The following RUNX2 variants were observed in gnomAD, a reference collection of about 807,000 sequenced individuals.
RUNX2 encodes the protein RUNX family transcription factor 2.
A neutral mutation model predicts 51.7 loss-of-function variants in RUNX2; 10 were observed. That is an observed-to-expected ratio of 0.19 (90% CI 0.12 to 0.33). The LOEUF (loss-of-function observed/expected upper bound fraction) is 0.33. RUNX2 is among the 10% of genes least tolerant of loss of function. RUNX2 has a pLI of 1.00. For missense variants in RUNX2, 562 were observed against 691.3 expected (o/e 0.81, Z 2.10); for synonymous variants, 276 against 273.6 (o/e 1.01, Z -0.09).
intron 6 of RUNX2, among the ~76,000 whole-genome samples, chr6:45,494,774 T>G (rs983706315): frequency 1.3e-5 from 2 of 152,226 alleles, no homozygotes; most frequent in African/African-American, 2.4e-5. Flanking sequence ...ATAGGTTCAA[T>G]TTTTTAATCT....
At chr6:45,440,056 A>G (rs1449615109) in intron 5 of RUNX2, among the ~76,000 whole-genome samples, 1 of 152,180 alleles carries the variant, frequency 6.6e-6, no homozygotes, top group Non-Finnish European at 1.5e-5. Context: ...GGAAGCAGAT[A>G]CAGATCTGCA....
chr6:45,393,083 A>G (rs1029410231), intron 2 of RUNX2, among the ~76,000 whole-genome samples: 1 of 152,046 alleles, frequency 6.6e-6, no homozygotes, highest in African/African-American at 2.4e-5. Flanking sequence ...TACATTACCC[A>G]TTTGCTCTCA....
intron 2 of RUNX2, chr6:45,422,343 C>T (rs1417241852): frequency 6.1e-6 from 3 of 491,260 alleles, no homozygotes; most frequent in Non-Finnish European, 1.1e-5. Context: ...AAGATCTGCG[C>T]CTCCCGGGTC....
At chr6:45,524,332 T>G (rs2150433066) in intron 7 of RUNX2, among the ~76,000 whole-genome samples, 1 of 152,346 alleles carries the variant, frequency 6.6e-6, no homozygotes, top group African/African-American at 2.4e-5. Flanking sequence ...AGGATTTTTT[T>G]TTAAGTAGAA....
chr6:45,505,110 A>G (rs999549110), intron 6 of RUNX2, among the ~76,000 whole-genome samples: 2 of 152,204 alleles, frequency 1.3e-5, no homozygotes, highest in Non-Finnish European at 2.9e-5. Context: ...GTCTGCATCA[A>G]GTTCAGCACC....
chr6:45,380,401 C>G (rs1481939739), intron 2 of RUNX2, among the ~76,000 whole-genome samples: 1 of 152,144 alleles, frequency 6.6e-6, no homozygotes, highest in African/African-American at 2.4e-5. Flanking sequence ...CTTTAACGTT[C>G]CTCTGGCATG....
chr6:45,366,213 A>G (rs1342162313), intron 2 of RUNX2, among the ~76,000 whole-genome samples: 1 of 152,238 alleles, frequency 6.6e-6, no homozygotes, highest in East Asian at 1.9e-4. Flanking sequence ...TAAGATATTT[A>G]GAACATATGA....
intron 2 of RUNX2, among the ~76,000 whole-genome samples, chr6:45,371,391 T>A (rs1449365247): frequency 7.0e-6 from 1 of 143,002 alleles, no homozygotes; most frequent in Non-Finnish European, 1.6e-5. Flanking sequence ...CAGTATTAGC[T>A]CACTTTTTTT....
intron 2 of RUNX2, among the ~76,000 whole-genome samples, chr6:45,404,259 C>CAAAAAAAAAAAAAAAAAAA (rs34529128): frequency 5.9e-4 from 16 of 27,306 alleles, no homozygotes; most frequent in East Asian, 2.6e-3. Flanking sequence ...GACTCTGTCT[C>CAAAAAAAAAAAAAAAAAAA]AAAAAAAAAA....
intron 2 of RUNX2, among the ~76,000 whole-genome samples, chr6:45,358,587 A>G (rs1370611389): frequency 6.6e-6 from 1 of 152,178 alleles, no homozygotes; most frequent in Non-Finnish European, 1.5e-5. Flanking sequence ...ACAAGAGCAC[A>G]ATGTTTATCA....
chr6:45,417,977 G>A (rs1247549439), intron 2 of RUNX2, among the ~76,000 whole-genome samples: 3 of 152,324 alleles, frequency 2.0e-5, no homozygotes, highest in East Asian at 3.9e-4. Context: ...CAAGGGCTGA[G>A]TAACCTTCTG....
Position 45,484,607 on chromosome 6 carries a change from G to A in RUNX2, c.686-7334G>A, listed in dbSNP as rs551380827. ...TAAAGTATGTGGATGAGAACTTTGC[G>A]TGGCTTTCCTAAGAATGTACTTGAG... On this transcript the variant is annotated intron_variant, in intron 5 of 8. Coordinates refer to ENST00000647337, the MANE Select transcript of RUNX2 (RefSeq NM_001024630.4). Among the ~76,000 whole-genome samples the A allele has an allele frequency of 1.1e-4, 16 of 152,276 alleles. No individual in the cohort carries two copies. The South Asian group carries it at 1.7e-3, about 16-fold the overall frequency.
chr6:45,366,640 A>G (rs1223548254), intron 2 of RUNX2, among the ~76,000 whole-genome samples: 1 of 152,136 alleles, frequency 6.6e-6, no homozygotes, highest in African/African-American at 2.4e-5. Context: ...AAACTTAAAC[A>G]TTTTTACTAA....
At chr6:45,524,785 C>G (rs979796166) in intron 7 of RUNX2, among the ~76,000 whole-genome samples, 9 of 152,138 alleles carry the variant, frequency 5.9e-5, no homozygotes, top group Non-Finnish European at 1.0e-4. Context: ...CAAACTACAC[C>G]TTAGGAAAAC....
rs398001403 is a variant in RUNX2, at chr6:45,547,896, GTT to G, written c.*607_*608del. On this transcript the variant is annotated 3_prime_UTR_variant, in exon 9 of 9. Coordinates refer to ENST00000647337, the MANE Select transcript of RUNX2 (RefSeq NM_001024630.4). ...GGTCCTCATCTGAACTGTTGGGTTC[GTT>G]TTTTTTTTTTTTTTTCCTGCTCCAA... is the stretch of plus-strand genomic sequence containing the variant. The G allele has an allele frequency of 3.1e-4, 42 of 135,576 alleles. No individual in the cohort carries two copies. The highest frequency in any genetic ancestry group is 3.7e-3 in the Middle Eastern group (1 of 268). 8.4% of individuals were successfully genotyped at this position (135,576 alleles called of 1,614,324 possible).
intron 5 of RUNX2, among the ~76,000 whole-genome samples, chr6:45,483,404 T>C (rs936881352): frequency 6.6e-6 from 1 of 152,162 alleles, no homozygotes; most frequent in Non-Finnish European, 1.5e-5. Flanking sequence ...CAGATAATTT[T>C]AAATTTATCC....
Position 45,370,347 on chromosome 6 carries a change from T to A in RUNX2, c.58+41563T>A, listed in dbSNP as rs567413505. ...GAATTCTGGAGCCTTAGAAACTGGTTGAATGGTGGTGCCATTTACTGAGAT... is the reference window on the plus strand; with the variant it reads ...GAATTCTGGAGCCTTAGAAACTGGTAGAATGGTGGTGCCATTTACTGAGAT... On this transcript the variant is annotated intron_variant, in intron 2 of 8. Coordinates refer to ENST00000647337, the MANE Select transcript of RUNX2 (RefSeq NM_001024630.4). Among the ~76,000 whole-genome samples, 21 of 152,104 alleles carry A rather than the reference T, an allele frequency of 1.4e-4. No homozygotes were observed. In the South Asian group the frequency reaches 3.9e-3, roughly 29 times the overall value.
chr6:45,422,765 TGCGGCGGCG>T lies in RUNX2; in HGVS notation c.240_248del (p.Ala87_Ala89del), dbSNP rs750984370. Reference sequence around the variant, plus strand: ...AGCAGCAGGAGGCGGCGGCGGCGGCTGCGGCGGCGGCGGCGGCTGCGGCGGCGGCAGCTG... The same window carrying T: ...AGCAGCAGGAGGCGGCGGCGGCGGCTGCGGCGGCTGCGGCGGCGGCAGCTG... On this transcript the variant is annotated inframe_deletion, in exon 3 of 9. Transcript: ENST00000647337. 1.1e-4 allele frequency: 152 copies of T among 1,334,636 alleles called. No homozygotes were observed. The African/African-American group carries it at 1.7e-3, about 15-fold the overall frequency. The allele number at this position is 1,334,636 out of a possible 1,614,324, so 82.7% of individuals were successfully genotyped here.
At chr6:45,423,362 G>C (rs1413412750) in intron 3 of RUNX2, among the ~76,000 whole-genome samples, 1 of 152,136 alleles carries the variant, frequency 6.6e-6, no homozygotes, top group African/African-American at 2.4e-5. Flanking sequence ...GAGGATCCCC[G>C]GCATTGTCCC....
Sources: allele counts gnomAD v4.1 joint callset (sites outside exome capture counted in the v4.1 genomes callset), GRCh38; gene constraint gnomAD v4.1.1; transcripts MANE v1.5; gene names NCBI Gene and HGNC (gene_info 2026-07-23, HGNC 2026-07-21).